CBFA2T3: variants seen among roughly 807,000 people sequenced by gnomAD.
CBFA2T3 encodes the protein CBFA2/RUNX1 partner transcriptional co-repressor 3, also known as transcriptional corepressor CBFA2T3.
A neutral mutation model predicts 58.6 loss-of-function variants in CBFA2T3; 31 were observed. The observed-to-expected ratio is 0.53, with a 90% CI of 0.40 to 0.71. The LOEUF is 0.71. CBFA2T3 is among the 30% of genes least tolerant of loss of function. The probability of loss-of-function intolerance (pLI) is 0.00; values close to 1 mark genes in which losing one functional copy is unlikely to be tolerated. For synonymous variants in CBFA2T3, 531 were observed against 421.9 expected (o/e 1.26, Z -3.17); for missense variants, 1,076 against 963.1 (o/e 1.12, Z -1.55).
chr16:88,971,023 C>T (rs543774801), intron 1 of CBFA2T3, among the ~76,000 whole-genome samples: 21 of 150,122 alleles, frequency 1.4e-4, no homozygotes, highest in African/African-American at 3.7e-4. Context: ...CTGTGAGTGC[C>T]GGAGGCCGAC....
chr16:88,877,913 A>T (rs1202943002), intron 11 of CBFA2T3, among the ~76,000 whole-genome samples: 1 of 152,198 alleles, frequency 6.6e-6, no homozygotes, highest in Non-Finnish European at 1.5e-5. Flanking sequence ...TGGGGTGGGA[A>T]GCCCAAACCT....
intron 1 of CBFA2T3, among the ~76,000 whole-genome samples, chr16:88,968,064 G>A (rs1972558578): frequency 6.6e-6 from 1 of 152,364 alleles, no homozygotes; most frequent in Admixed American, 6.5e-5. Flanking sequence ...GACGGGTCAT[G>A]GGGCTGAGTT....
chr16:88,926,593 G>A (rs954283425), intron 1 of CBFA2T3, among the ~76,000 whole-genome samples: 6 of 152,232 alleles, frequency 3.9e-5, no homozygotes, highest in African/African-American at 1.4e-4. Flanking sequence ...CGAGCTTTGT[G>A]TCAGGACAGC....
chr16:88,952,958 AGACGGCATGTCCAGGACCCCCACGCAG>A (rs1972117934), intron 1 of CBFA2T3, among the ~76,000 whole-genome samples: 1 of 143,674 alleles, frequency 7.0e-6, no homozygotes, highest in Non-Finnish European at 1.5e-5. Flanking sequence ...GCCTGTGTCG[AGACGGCATGTCCAGGACCCCCACGCAG>A]GGCCTGTGTC....
chr16:88,929,582 C>A (rs1475849216), intron 1 of CBFA2T3, among the ~76,000 whole-genome samples: 1 of 152,202 alleles, frequency 6.6e-6, no homozygotes, highest in Non-Finnish European at 1.5e-5. Context: ...ATACCCACAT[C>A]TGCATCACCC....
chr16:88,885,097 C>T lies in CBFA2T3; in HGVS notation c.1066G>A (p.Ala356Thr). Residue 356 changes from alanine to threonine, a missense_variant, in exon 7 of 12, where the codon GCC becomes ACC. Transcript: ENST00000268679. The surrounding 1 kb of genome is among the most constrained non-coding windows in gnomAD (Gnocchi z 5.3). ...DIAMAHHFRD[A>T]YRHPDPRELR... Reference sequence around the variant, plus strand: ...TCCCGGGGGTCTGGGTGGCGGTAGGCATCTCGGAAGTGGTGGGCCATGGCT... The same window carrying T: ...TCCCGGGGGTCTGGGTGGCGGTAGGTATCTCGGAAGTGGTGGGCCATGGCT... 6.2e-7 allele frequency: 1 copy of T among 1,602,360 alleles called. No individual in the cohort carries two copies. The highest frequency in any genetic ancestry group is 2.2e-5 in the East Asian group (1 of 44,702).
In CBFA2T3 at chr16:88,877,011, TG is replaced by T; in HGVS notation, c.1926del (p.Ser643AlafsTer106). ...GSAGPSRPGS[P>X]SPPGPLDTVP... ...ACGGTGTCCAGTGGGCCAGGTGGGC[TG>T]GGGGAGCCGGGGCGAGAAGGCCCCG... On this transcript the variant is annotated frameshift_variant, in exon 12 of 12. Coordinates refer to ENST00000268679, the MANE Select transcript of CBFA2T3 (RefSeq NM_005187.6). LOFTEE classifies it high-confidence loss of function. The T allele has an allele frequency of 6.8e-7, 1 of 1,474,430 alleles. No homozygotes were observed. 91.3% of individuals were successfully genotyped at this position (1,474,430 alleles called of 1,614,324 possible).
intron 1 of CBFA2T3, among the ~76,000 whole-genome samples, chr16:88,946,897 C>A (rs536610882): frequency 6.6e-6 from 1 of 152,286 alleles, no homozygotes; most frequent in African/African-American, 2.4e-5. Flanking sequence ...AGCGATCCTC[C>A]CATCTCAGCC....
At chr16:88,884,726 G>C (rs1382715207) in intron 7 of CBFA2T3, 1 of 281,640 alleles carries the variant, frequency 3.6e-6, no homozygotes, top group Non-Finnish European at 6.7e-6. Context: ...GACAGAGGAG[G>C]AAACTGAGAA....
intron 1 of CBFA2T3, among the ~76,000 whole-genome samples, chr16:88,959,694 G>A (rs970753607): frequency 6.6e-6 from 1 of 152,186 alleles, no homozygotes; most frequent in African/African-American, 2.4e-5. Context: ...GAGAGAAAAC[G>A]GGAGCAGGGC....
intron 1 of CBFA2T3, among the ~76,000 whole-genome samples, chr16:88,951,952 G>C (rs117728910): frequency 6.6e-6 from 1 of 152,152 alleles, no homozygotes; most frequent in Non-Finnish European, 1.5e-5. Context: ...TGTCCCTGAC[G>C]CCTCCGAGCT....
chr16:88,876,976 TCAGCGGGGCACGGTGTCCAGTGGGC>T lies in CBFA2T3; in HGVS notation c.1937_1961del (p.Gly646AspfsTer95), dbSNP rs1267362559. On this transcript the variant is annotated frameshift_variant and stop_lost, in exon 12 of 12. Coordinates refer to ENST00000268679, the MANE Select transcript of CBFA2T3 (RefSeq NM_005187.6). LOFTEE classifies it high-confidence loss of function. Reference sequence around the variant, plus strand: ...TCCGGCAGGCCAGGGGCCAGTGGGGTCAGCGGGGCACGGTGTCCAGTGGGCCAGGTGGGCTGGGGGAGCCGGGGCG... The same window carrying T: ...TCCGGCAGGCCAGGGGCCAGTGGGGTCAGGTGGGCTGGGGGAGCCGGGGCG... 7.0e-7 allele frequency: 1 copy of T among 1,435,410 alleles called. No homozygotes were observed. Among genetic ancestry groups the T allele is most frequent in the Non-Finnish European group, 9.1e-7 (1 of 1,100,148 alleles). The allele number at this position is 1,435,410 out of a possible 1,614,324, so 88.9% of individuals were successfully genotyped here.
chr16:88,951,530 G>A (rs1208634853), intron 1 of CBFA2T3: 1 of 364,558 alleles, frequency 2.7e-6, no homozygotes, highest in Non-Finnish European at 5.3e-6. Flanking sequence ...AATTGCACCT[G>A]CAGTACAAAA....
chr16:88,882,407 GTGGCTGTGTGTGTA>G lies in CBFA2T3; in HGVS notation c.1203+255_1203+268del, dbSNP rs1188613136. Among the ~76,000 whole-genome samples, 610 of 151,464 alleles carry G rather than the reference GTGGCTGTGTGTGTA, an allele frequency of 4.0e-3. 3 individuals carry two copies. The highest frequency in any genetic ancestry group is 0.013 in the African/African-American group (540 of 41,206). ...CATGGGTATGGCTGTGTGTGTGGGT[GTGGCTGTGTGTGTA>G]TGGCTGTGTGTGGGTGTGGCTGTGT... On this transcript the variant is annotated intron_variant, in intron 8 of 11. Transcript: ENST00000268679.
chr16:88,951,506 A>G, intron 1 of CBFA2T3: 1 of 367,020 alleles, frequency 2.7e-6, no homozygotes, highest in Non-Finnish European at 5.3e-6. Flanking sequence ...TTTAAATTAA[A>G]AAATCAGTTT....
At chr16:88,882,615 T>G (rs1200693241) in intron 8 of CBFA2T3, 61 bp downstream of exon 8, 1 of 1,039,278 alleles carries the variant, frequency 9.6e-7, no homozygotes, top group Non-Finnish European at 1.4e-6. Context: ...CGTGGCTGTG[T>G]GTGTGCGTGG....
intron 1 of CBFA2T3, among the ~76,000 whole-genome samples, chr16:88,947,283 A>G (rs1194324327): frequency 6.6e-6 from 1 of 152,264 alleles, no homozygotes; most frequent in Non-Finnish European, 1.5e-5. Flanking sequence ...TAAAAAATTC[A>G]GCAGACAAAA....
At chr16:88,963,754 C>T (rs1319735325) in intron 1 of CBFA2T3, among the ~76,000 whole-genome samples, 5 of 152,266 alleles carry the variant, frequency 3.3e-5, no homozygotes, top group African/African-American at 9.6e-5. Context: ...GCTGACACTT[C>T]GTGAGCCAGG....
intron 1 of CBFA2T3, among the ~76,000 whole-genome samples, chr16:88,919,708 T>C (rs1970850385): frequency 6.6e-6 from 1 of 152,040 alleles, no homozygotes; most frequent in South Asian, 2.1e-4. Flanking sequence ...GCACGTGCAG[T>C]CTGGTGCATG....
Sources: allele counts gnomAD v4.1 joint callset (sites outside exome capture counted in the v4.1 genomes callset), GRCh38; gene constraint gnomAD v4.1.1; non-coding constraint Gnocchi (gnomAD v3.1); transcripts MANE v1.5; gene names NCBI Gene and HGNC (gene_info 2026-07-23, HGNC 2026-07-21).